Variants in NRXN3 observed in about 807,000 individuals in gnomAD.
The protein encoded by NRXN3 is neurexin III.
A neutral mutation model predicts 137.6 loss-of-function variants in NRXN3; 32 were observed. The observed-to-expected ratio is 0.23, with a 90% CI of 0.18 to 0.31. The LOEUF (loss-of-function observed/expected upper bound fraction) is 0.31, where lower values mean the gene tolerates loss of function less well. NRXN3 is among the 10% of genes least tolerant of loss of function. NRXN3 has a pLI of 1.00. For synonymous variants in NRXN3, 798 were observed against 784.5 expected (o/e 1.02, Z -0.29); for missense variants, 1,574 against 2,062.5 (o/e 0.76, Z 4.59).
chr14:79,623,020 G>A (rs1436888220), intron 16 of NRXN3, among the ~76,000 whole-genome samples: 4 of 152,046 alleles, frequency 2.6e-5, no homozygotes, highest in Non-Finnish European at 5.9e-5. Flanking sequence ...AAGTGATATT[G>A]GCAAATACTA....
chr14:78,630,123 C>T (rs1223854315), intron 4 of NRXN3, among the ~76,000 whole-genome samples: 1 of 152,156 alleles, frequency 6.6e-6, no homozygotes, highest in Admixed American at 6.5e-5. Context: ...GTGAACTTCT[C>T]ATTTCTAGGC....
At chr14:79,793,407 T>A (rs988069064) in intron 19 of NRXN3, among the ~76,000 whole-genome samples, 1 of 152,028 alleles carries the variant, frequency 6.6e-6, no homozygotes, top group East Asian at 1.9e-4. Context: ...AGAGCGAGAC[T>A]CCGTCTCAAA....
At chr14:79,127,232 A>G (rs1300619620) in intron 15 of NRXN3, among the ~76,000 whole-genome samples, 3 of 152,172 alleles carry the variant, frequency 2.0e-5, no homozygotes, top group South Asian at 2.1e-4. Context: ...TTGGTGTTTT[A>G]GACATGAAGT....
At chr14:78,372,463 C>T (rs1367430866) in intron 4 of NRXN3, among the ~76,000 whole-genome samples, 6 of 151,864 alleles carry the variant, frequency 4.0e-5, no homozygotes, top group African/African-American at 1.5e-4. Context: ...TAGCTGGGAT[C>T]ACAGGCACCC....
Position 78,499,708 on chromosome 14 carries a change from C to A in NRXN3, c.758-145412C>A, listed in dbSNP as rs140495908. ...ATCTGAAAGCTTGACTGGAGAAGAACCTGCCTCCAAGTTCACCTGGTTGTA... is the reference window on the plus strand; with the variant it reads ...ATCTGAAAGCTTGACTGGAGAAGAAACTGCCTCCAAGTTCACCTGGTTGTA... On this transcript the variant is annotated intron_variant, in intron 4 of 20. Transcript: ENST00000335750. Among the ~76,000 whole-genome samples the A allele has an allele frequency of 3.4e-3, 522 of 152,250 alleles. 4 individuals are homozygous for A. The highest frequency in any genetic ancestry group is 6.4e-3 in the South Asian group (31 of 4,830).
intron 7 of NRXN3, among the ~76,000 whole-genome samples, chr14:78,713,186 G>T (rs987492318): frequency 3.3e-5 from 5 of 152,134 alleles, no homozygotes; most frequent in Non-Finnish European, 5.9e-5. Flanking sequence ...TGCTCTCAAG[G>T]TCCCAGGTTA....
rs763776970 is a variant in NRXN3 at position 79,663,845 on chromosome 14, C to T, written c.3512C>T (p.Thr1171Ile). ...GACATCTCCATCAAAGAGGAGAGAACCCCTGTAAATGACGGCAAATACCAT... is the reference window on the plus strand; with the variant it reads ...GACATCTCCATCAAAGAGGAGAGAATCCCTGTAAATGACGGCAAATACCAT... ...TVDISIKEER[T>I]PVNDGKYHVV... The change falls in exon 17 of 21, where the codon ACC becomes ATC. Residue 1171 changes from threonine to isoleucine, a missense_variant. By Grantham distance (89) the Thr-to-Ile change is moderately conservative (BLOSUM62 -1). This residue lies in a region of NRXN3 where 133 missense variants were observed against 241.8 expected (regional missense o/e 0.55). Coordinates refer to ENST00000335750, the MANE Select transcript of NRXN3 (RefSeq NM_001330195.2). 22 of 1,613,314 alleles carry T rather than the reference C, an allele frequency of 1.4e-5. 1 individual carries two copies. The highest frequency in any genetic ancestry group is 3.3e-4 in the Middle Eastern group (2 of 6,078).
At chr14:78,605,216 T>G (rs1327519195) in intron 4 of NRXN3, among the ~76,000 whole-genome samples, 1 of 152,194 alleles carries the variant, frequency 6.6e-6, no homozygotes, top group East Asian at 1.9e-4. Context: ...TGCTGTATTT[T>G]GATGAGACAA....
At chr14:79,244,947 T>G (rs2074934440) in intron 15 of NRXN3, among the ~76,000 whole-genome samples, 2 of 152,146 alleles carry the variant, frequency 1.3e-5, no homozygotes, top group Admixed American at 1.3e-4. Flanking sequence ...AGGTTTCAAC[T>G]GTCGAGTCTA....
chr14:79,143,293 A>G (rs2058987162), intron 15 of NRXN3, among the ~76,000 whole-genome samples: 1 of 152,192 alleles, frequency 6.6e-6, no homozygotes, highest in African/African-American at 2.4e-5. Context: ...TCTCTGTTTC[A>G]ATTCTTTGTT....
intron 10 of NRXN3, among the ~76,000 whole-genome samples, chr14:78,836,050 T>A (rs928810469): frequency 1.3e-5 from 2 of 152,158 alleles, no homozygotes; most frequent in African/African-American, 4.8e-5. Context: ...AAGCTTATTA[T>A]CTTGCTCTGG....
intron 15 of NRXN3, among the ~76,000 whole-genome samples, chr14:79,186,443 A>G (rs2063556332): frequency 6.6e-6 from 1 of 152,140 alleles, no homozygotes; most frequent in Non-Finnish European, 1.5e-5. Context: ...CAGTGAATCA[A>G]ATTTGGAAAC....
chr14:79,725,858 T>C (rs1020173477), intron 19 of NRXN3, among the ~76,000 whole-genome samples: 4 of 152,238 alleles, frequency 2.6e-5, no homozygotes, highest in African/African-American at 9.6e-5. Flanking sequence ...AAAATGACAG[T>C]GCAGTTGTTT....
chr14:78,594,518 A>G (rs1317288603), intron 4 of NRXN3, among the ~76,000 whole-genome samples: 2 of 152,216 alleles, frequency 1.3e-5, no homozygotes, highest in Non-Finnish European at 2.9e-5. Flanking sequence ...GGTCAATACA[A>G]CTACTCTTGA....
chr14:78,993,325 GATATGTGT>G (rs1425941208), intron 15 of NRXN3, among the ~76,000 whole-genome samples: 1 of 152,178 alleles, frequency 6.6e-6, no homozygotes, highest in African/African-American at 2.4e-5. Context: ...GAAGGGGACA[GATATGTGT>G]ATACTGATTC....
At chr14:78,401,101 A>G (rs1231496444) in intron 4 of NRXN3, among the ~76,000 whole-genome samples, 6 of 152,192 alleles carry the variant, frequency 3.9e-5, no homozygotes, top group Admixed American at 3.9e-4. Context: ...AAGGTGGAAA[A>G]GCAAAAAGGT....
chr14:78,333,224 G>C (rs2081046768), intron 4 of NRXN3, among the ~76,000 whole-genome samples: 1 of 152,188 alleles, frequency 6.6e-6, no homozygotes, highest in Non-Finnish European at 1.5e-5. Context: ...AGGGAGACTG[G>C]TCATCCAGCC....
At chr14:79,325,612 C>T (rs1834308593) in intron 15 of NRXN3, among the ~76,000 whole-genome samples, 1 of 152,182 alleles carries the variant, frequency 6.6e-6, no homozygotes, top group Non-Finnish European at 1.5e-5. Context: ...TTTAGAGGCA[C>T]TCTGAAAGCA....
intron 16 of NRXN3, among the ~76,000 whole-genome samples, chr14:79,499,635 T>G (rs1322081261): frequency 6.6e-6 from 1 of 152,190 alleles, no homozygotes; most frequent in Non-Finnish European, 1.5e-5. Flanking sequence ...TAGTGAACCC[T>G]TCATAAATAG....
Sources: allele counts gnomAD v4.1 joint callset (sites outside exome capture counted in the v4.1 genomes callset), GRCh38; gene constraint gnomAD v4.1.1; regional missense constraint gnomAD v4.1.1; transcripts MANE v1.5; gene names NCBI Gene and HGNC (gene_info 2026-07-23, HGNC 2026-07-21).